STMND1: variants seen among roughly 807,000 people sequenced by gnomAD.
The protein encoded by STMND1 is stathmin domain-containing protein 1.
In STMND1, 17 loss-of-function variants were observed where a neutral mutation model predicts 23.0. That is an observed-to-expected ratio of 0.74 (90% CI 0.51 to 1.11). The LOEUF is 1.11. Among genes scored for constraint, STMND1 ranks in the 50% least tolerant of loss-of-function variants. The pLI is 0.00. For synonymous variants in STMND1, 114 were observed against 119.9 expected, an observed-to-expected ratio of 0.95 and a Z score of 0.32; for missense variants, 305 against 329.1, an observed-to-expected ratio of 0.93 and a Z score of 0.57.
At chr6:17,109,589 T>C (rs1761072125) in intron 1 of STMND1, among the ~76,000 whole-genome samples, 1 of 152,240 alleles carries the variant, frequency 6.6e-6, no homozygotes, top group Non-Finnish European at 1.5e-5. Flanking sequence ...AATTCATTTT[T>C]CTTAAAGAAA....
At chr6:17,102,822 G>A (rs184651059) in intron 1 of STMND1, among the ~76,000 whole-genome samples, 2 of 152,200 alleles carry the variant, frequency 1.3e-5, no homozygotes, top group East Asian at 3.9e-4. Context: ...CTATCTGGTT[G>A]CGTCCTCTCG....
chr6:17,118,009 T>C (rs1371206537), intron 2 of STMND1, among the ~76,000 whole-genome samples: 1 of 152,148 alleles, frequency 6.6e-6, no homozygotes, highest in East Asian at 1.9e-4. Flanking sequence ...TGATATTGTG[T>C]CTTTCTTAAT....
intron 1 of STMND1, among the ~76,000 whole-genome samples, chr6:17,112,070 T>A (rs546666060): frequency 1.3e-5 from 2 of 152,334 alleles, no homozygotes. Context: ...AATGTACAAT[T>A]GACAGCCATT....
intron 3 of STMND1, among the ~76,000 whole-genome samples, chr6:17,122,108 G>A (rs1228198620): frequency 1.3e-5 from 2 of 151,974 alleles, no homozygotes; most frequent in Admixed American, 1.3e-4. Flanking sequence ...TAATCCACCT[G>A]CCTCAGCCTC....
Position 17,129,701 on chromosome 6 carries a change from G to A in STMND1, c.543+458G>A, listed in dbSNP as rs368347989. Among the ~76,000 whole-genome samples, 47 of 152,130 alleles carry A rather than the reference G, an allele frequency of 3.1e-4. No homozygotes were observed. In the East Asian group the frequency reaches 6.6e-3, roughly 21 times the overall value. On this transcript the variant is annotated intron_variant, in intron 4 of 4. Coordinates refer to ENST00000536551, the MANE Select transcript of STMND1 (RefSeq NM_001190766.2). The stretch of plus-strand genomic sequence containing the variant: ...CTACTAAAAATACAAAAAATTAGCC[G>A]GGCGTGGTGGCGGGCGCCTGTAGTC...
At chr6:17,128,441 A>G (rs1761337030) in intron 3 of STMND1, 1 of 152,256 alleles carries the variant, frequency 6.6e-6, no homozygotes. Flanking sequence ...TTATAAAATC[A>G]TCAGGTTGAA....
intron 1 of STMND1, among the ~76,000 whole-genome samples, chr6:17,103,987 C>G (rs953987655): frequency 2.6e-5 from 4 of 152,180 alleles, no homozygotes; most frequent in African/African-American, 7.2e-5. Flanking sequence ...GTGCAAAACC[C>G]TTTAGTTTAT....
Position 17,120,617 on chromosome 6 carries a change from C to A in STMND1, c.270C>A (p.Thr90=). 1.3e-6 allele frequency: 2 copies of A among 1,507,032 alleles called. No individual in the cohort carries two copies. The highest frequency in any genetic ancestry group is 1.8e-6 in the Non-Finnish European group (2 of 1,136,554). The allele number at this position is 1,507,032 out of a possible 1,614,324, so 93.4% of individuals were successfully genotyped here. ...CTTCTTTTTTGGAAGACCTAGTGAC[C>A]AATGGATTAATCAATAAACCCCAAT... is the stretch of plus-strand genomic sequence containing the variant. ...RNRRVNSDLV[T]NGLINKPQSL... The change falls in exon 3 of 5, where the codon ACC becomes ACA. Residue 90 remains threonine, a synonymous_variant. Coordinates refer to ENST00000536551, the MANE Select transcript of STMND1 (RefSeq NM_001190766.2).
At chr6:17,113,230 T>C (rs1287859441) in intron 1 of STMND1, among the ~76,000 whole-genome samples, 2 of 152,172 alleles carry the variant, frequency 1.3e-5, no homozygotes, top group African/African-American at 2.4e-5. Flanking sequence ...GATGGATAGA[T>C]AGGTAGATAG....
intron 3 of STMND1, among the ~76,000 whole-genome samples, chr6:17,126,064 ATATATATT>A (rs1327663669): frequency 8.0e-4 from 19 of 23,700 alleles, no homozygotes; most frequent in African/African-American, 3.7e-3. Flanking sequence ...ATATATATAT[ATATATATT>A]TTTTTTTTTT....
chr6:17,106,749 G>A (rs1325254261), intron 1 of STMND1, among the ~76,000 whole-genome samples: 2 of 152,196 alleles, frequency 1.3e-5, no homozygotes, highest in Non-Finnish European at 2.9e-5. Flanking sequence ...TTGCTTGCAT[G>A]AAATATTTAT....
chr6:17,127,938 G>GT (rs1371654083), intron 3 of STMND1: 4 of 131,052 alleles, frequency 3.1e-5, no homozygotes, highest in African/African-American at 1.2e-4. Flanking sequence ...TTTAGGTTTT[G>GT]TTTAACATTA....
chr6:17,114,766 A>G (rs1761135948), intron 1 of STMND1, among the ~76,000 whole-genome samples, 196 bp from the exon 2 acceptor site: 1 of 152,182 alleles, frequency 6.6e-6, no homozygotes, highest in Non-Finnish European at 1.5e-5. Context: ...CCCGCTCTGC[A>G]GCCCAGTTCC....
intron 2 of STMND1, among the ~76,000 whole-genome samples, 168 bp downstream of exon 2, chr6:17,115,307 T>C (rs969799605): frequency 6.6e-6 from 1 of 151,314 alleles, no homozygotes; most frequent in Admixed American, 6.6e-5. Flanking sequence ...CCTTAGGCCT[T>C]CATTATGTGA....
chr6:17,105,690 G>C (rs777467638), intron 1 of STMND1, among the ~76,000 whole-genome samples: 9 of 151,072 alleles, frequency 6.0e-5, no homozygotes, highest in Non-Finnish European at 8.8e-5. Flanking sequence ...ACTTTGGGAG[G>C]CTGAGGCGGG....
Position 17,120,609 on chromosome 6 carries a change from C to A in STMND1, c.262C>A (p.Leu88Ile). ...SERNRRVNSD[L>I]VTNGLINKPQ... ...TTTCTTTTCTTCTTTTTTGGAAGAC[C>A]TAGTGACCAATGGATTAATCAATAA... The change falls in exon 3 of 5, where the codon CTA (leucine) becomes ATA (isoleucine). Residue 88 changes from leucine to isoleucine, a missense_variant and splice_region_variant. Leu to Ile is a conservative substitution (Grantham distance 5). Coordinates refer to ENST00000536551, the MANE Select transcript of STMND1 (RefSeq NM_001190766.2). 6.7e-7 allele frequency: 1 copy of A among 1,486,402 alleles called. No homozygotes were observed. Among genetic ancestry groups the A allele is most frequent in the South Asian group, 1.3e-5 (1 of 75,872 alleles). The allele number at this position is 1,486,402 out of a possible 1,614,324, so 92.1% of individuals were successfully genotyped here. A position where few individuals can be genotyped will look rare whatever the true frequency, so the allele number is the denominator to read the frequency against.
chr6:17,112,142 C>T (rs998574966), intron 1 of STMND1, among the ~76,000 whole-genome samples: 1 of 152,192 alleles, frequency 6.6e-6, no homozygotes, highest in Admixed American at 6.5e-5. Context: ...CATTGATAGT[C>T]AATCCTCGTT....
intron 2 of STMND1, among the ~76,000 whole-genome samples, chr6:17,118,624 G>A (rs929777915): frequency 6.6e-6 from 1 of 152,188 alleles, no homozygotes; most frequent in Non-Finnish European, 1.5e-5. Context: ...GATCAGAATG[G>A]TTACAATAAT....
At chr6:17,104,847 T>C (rs1760997073) in intron 1 of STMND1, among the ~76,000 whole-genome samples, 1 of 152,232 alleles carries the variant, frequency 6.6e-6, no homozygotes, top group South Asian at 2.1e-4. Context: ...TTTCAAGTTA[T>C]TTAACCTCCC....
Sources: allele counts gnomAD v4.1 joint callset (sites outside exome capture counted in the v4.1 genomes callset), GRCh38; gene constraint gnomAD v4.1.1; transcripts MANE v1.5; gene names NCBI Gene and HGNC (gene_info 2026-07-23, HGNC 2026-07-21).